The following RAP1GAP2 variants were observed in gnomAD, a reference collection of about 807,000 sequenced individuals.
The protein encoded by RAP1GAP2 is rap1 GTPase-activating protein 2.
RAP1GAP2 carries 27 observed loss-of-function variants against 95.0 expected under a neutral mutation model. The observed-to-expected ratio is 0.28, with a 90% CI of 0.21 to 0.39. RAP1GAP2 has a LOEUF of 0.39. RAP1GAP2 is among the 10% of genes least tolerant of loss of function. The probability of loss-of-function intolerance (pLI) is 1.00; values close to 1 mark genes in which losing one functional copy is unlikely to be tolerated. For missense variants in RAP1GAP2, 771 were observed against 970.0 expected (o/e 0.79, Z 2.72); for synonymous variants, 373 against 380.9 (o/e 0.98, Z 0.24).
At chr17:2,853,986 C>T (rs2072014405) in intron 2 of RAP1GAP2, 2 of 984,252 alleles carry the variant, frequency 2.0e-6, no homozygotes, top group Non-Finnish European at 1.2e-6. Context: ...GCACCGCGGG[C>T]GGCCTCGCCA....
At chr17:2,947,116 A>G (rs2043726034) in intron 3 of RAP1GAP2, among the ~76,000 whole-genome samples, 1 of 152,230 alleles carries the variant, frequency 6.6e-6, no homozygotes, top group Non-Finnish European at 1.5e-5. Flanking sequence ...CACACTTAAC[A>G]GAGAGCCATT....
intron 3 of RAP1GAP2, among the ~76,000 whole-genome samples, chr17:2,950,061 C>CTCCTTCTTT (rs2043860135): frequency 7.1e-6 from 1 of 141,260 alleles, no homozygotes; most frequent in Non-Finnish European, 1.5e-5. Context: ...TCTTCTTCTT[C>CTCCTTCTTT]TTTTTTTTTT....
At chr17:2,900,000 C>T (rs540989258) in intron 2 of RAP1GAP2, among the ~76,000 whole-genome samples, 1 of 152,184 alleles carries the variant, frequency 6.6e-6, no homozygotes, top group Non-Finnish European at 1.5e-5. Flanking sequence ...CCGAGAAGCT[C>T]TTTGCAGCCC....
At position 2,984,972 on chromosome 17, in the gene RAP1GAP2, A is replaced by G. The variant is rs756367604; in HGVS notation, c.730-11A>G. ...AAATGTTGATTTTTTTTTTCTTGCC[A>G]CATTTTCCAGGCCTCCCAAATGATT... is the stretch of plus-strand genomic sequence containing the variant. On this transcript the variant is annotated splice_polypyrimidine_tract_variant and intron_variant, in intron 10 of 24. Transcript: ENST00000254695. 1.6e-5 allele frequency: 26 copies of G among 1,597,096 alleles called. 1 individual carries two copies. The highest frequency in any genetic ancestry group is 2.2e-5 in the Non-Finnish European group (26 of 1,174,154).
intron 2 of RAP1GAP2, among the ~76,000 whole-genome samples, chr17:2,818,791 A>G (rs555446061): frequency 1.3e-5 from 2 of 152,302 alleles, no homozygotes; most frequent in African/African-American, 4.8e-5. Flanking sequence ...TCTGACACGC[A>G]GCAGCTGTGA....
intron 12 of RAP1GAP2, among the ~76,000 whole-genome samples, chr17:2,993,926 T>G (rs1233566309): frequency 6.6e-6 from 1 of 151,480 alleles, no homozygotes; most frequent in Non-Finnish European, 1.5e-5. Context: ...GCTCCTGTGG[T>G]CCCCGCTACT....
At chr17:2,806,536 G>T (rs2069526820) in intron 2 of RAP1GAP2, among the ~76,000 whole-genome samples, 2 of 149,580 alleles carry the variant, frequency 1.3e-5, no homozygotes, top group Admixed American at 1.3e-4. Flanking sequence ...GGGATTACAG[G>T]TGCGGCCCAC....
In RAP1GAP2 at chr17:2,871,652, A is replaced by G. The variant is rs544609327; in HGVS notation, c.81-33632A>G. Among the ~76,000 whole-genome samples the G allele has an allele frequency of 6.6e-6, 1 of 152,258 alleles. No homozygotes were observed. The highest frequency in any genetic ancestry group is 1.5e-5 in the Non-Finnish European group (1 of 68,010). ...GGTGAGCACGTGGACCCTCACCTTCATGCTGATTTCATTGGGGTTCAATTG... is the reference window on the plus strand; with the variant it reads ...GGTGAGCACGTGGACCCTCACCTTCGTGCTGATTTCATTGGGGTTCAATTG... On this transcript the variant is annotated intron_variant, in intron 2 of 24. Transcript: ENST00000254695. This position sits in a 1 kb window ranked among gnomAD's most constrained non-coding sequence, Gnocchi z 5.0.
At chr17:2,768,021 CGTACGTGGCCAAT>C (rs2068310419) in intron 1 of RAP1GAP2, among the ~76,000 whole-genome samples, 1 of 152,120 alleles carries the variant, frequency 6.6e-6, no homozygotes, top group South Asian at 2.1e-4. Flanking sequence ...CGTGAGCCAC[CGTACGTGGCCAAT>C]TTATTATAGC....
intron 13 of RAP1GAP2, among the ~76,000 whole-genome samples, chr17:2,996,387 A>G (rs1398701480): frequency 6.6e-6 from 1 of 152,188 alleles, no homozygotes; most frequent in Non-Finnish European, 1.5e-5. Flanking sequence ...AAGAAAATGC[A>G]GGCAGGCCTT....
chr17:2,985,060 C>G lies in RAP1GAP2; in HGVS notation c.807C>G (p.Ala269=). 3 of 1,613,836 alleles carry G rather than the reference C, an allele frequency of 1.9e-6. No individual in the cohort carries two copies. Among genetic ancestry groups the G allele is most frequent in the Non-Finnish European group, 2.5e-6 (3 of 1,179,872 alleles). Reference sequence around the variant, plus strand: ...AATTCGGAGTCATTTATCAAAAAGCCAGGCAGGTAAGCAGCACCATCCATA... The same window carrying G: ...AATTCGGAGTCATTTATCAAAAAGCGAGGCAGGTAAGCAGCACCATCCATA... ...TFKFGVIYQK[A]RQTLEEELFG... Residue 269 remains alanine, a synonymous_variant, in exon 11 of 25, where the codon GCC becomes GCG. Coordinates refer to ENST00000254695, the MANE Select transcript of RAP1GAP2 (RefSeq NM_015085.5).
intron 4 of RAP1GAP2, among the ~76,000 whole-genome samples, chr17:2,959,341 C>CT (rs1228650378): frequency 3.3e-5 from 5 of 152,030 alleles, no homozygotes; most frequent in African/African-American, 4.8e-5. Flanking sequence ...GGGTAGGGGT[C>CT]TTGTTTTATT....
At chr17:2,786,328 C>G (rs1185282427) in intron 1 of RAP1GAP2, among the ~76,000 whole-genome samples, 1 of 152,274 alleles carries the variant, frequency 6.6e-6, no homozygotes, top group Non-Finnish European at 1.5e-5. Context: ...GGTTGCTTAT[C>G]TTTTGCAGGA....
At chr17:2,996,237 G>C (rs2045958388) in intron 13 of RAP1GAP2, among the ~76,000 whole-genome samples, 1 of 152,142 alleles carries the variant, frequency 6.6e-6, no homozygotes, top group Non-Finnish European at 1.5e-5. Flanking sequence ...CGAGACCCCT[G>C]TCCCCACTGC....
intron 13 of RAP1GAP2, 44 bp downstream of exon 13, chr17:2,995,510 G>A (rs374710314): frequency 1.9e-6 from 3 of 1,609,956 alleles, no homozygotes; most frequent in South Asian, 2.2e-5. Context: ...GGCGGGCGAG[G>A]TGAGGGCCTG....
intron 3 of RAP1GAP2, among the ~76,000 whole-genome samples, chr17:2,936,972 G>A (rs2043327176): frequency 6.6e-6 from 1 of 152,226 alleles, no homozygotes; most frequent in South Asian, 2.1e-4. Flanking sequence ...GAGCATCTGT[G>A]TGCCAGGTGC....
upstream of RAP1GAP2, among the ~76,000 whole-genome samples, chr17:2,794,503 C>T (rs1352188699): frequency 6.6e-6 from 1 of 152,154 alleles, no homozygotes; most frequent in African/African-American, 2.4e-5. Context: ...GAAGCCACCC[C>T]AGAGCATGAA....
At chr17:2,981,113 C>A in intron 9 of RAP1GAP2, 82 bp from the exon 10 acceptor site, 1 of 1,336,110 alleles carries the variant, frequency 7.5e-7, no homozygotes, top group Non-Finnish European at 1.1e-6. Flanking sequence ...CCCTCCCATG[C>A]CGCATTGTCC....
At chr17:2,850,221 C>G (rs111925541) in intron 2 of RAP1GAP2, among the ~76,000 whole-genome samples, 1 of 150,178 alleles carries the variant, frequency 6.7e-6, no homozygotes, top group Non-Finnish European at 1.5e-5. Context: ...AGGATGGTCT[C>G]GATCTCCTGA....
Sources: gnomAD v4.1 joint callset for allele counts (sites outside exome capture counted in the v4.1 genomes callset) on GRCh38, gnomAD v4.1.1 for gene constraint, Gnocchi (gnomAD v3.1) non-coding constraint, MANE v1.5 for transcripts, NCBI Gene and HGNC (gene_info 2026-07-23, HGNC 2026-07-21) for gene names.